Variants in COPRS observed in about 807,000 individuals in gnomAD.
COPRS encodes coordinator of PRMT5 and differentiation stimulator.
A neutral mutation model predicts 19.9 loss-of-function variants in COPRS; 11 were observed. That is an observed-to-expected ratio of 0.55 (90% CI 0.35 to 0.92). The LOEUF (loss-of-function observed/expected upper bound fraction) is 0.92, where lower values mean the gene tolerates loss of function less well. COPRS is among the 40% of genes least tolerant of loss of function. The pLI is 0.01. For missense variants in COPRS, 225 were observed against 229.9 expected, an observed-to-expected ratio of 0.98 and a Z score of 0.14; for synonymous variants, 81 against 82.7, an observed-to-expected ratio of 0.98 and a Z score of 0.11.
intron 2 of COPRS, 184 bp downstream of exon 2, chr17:31,856,615 G>T: frequency 1.5e-6 from 1 of 655,450 alleles, no homozygotes; most frequent in Non-Finnish European, 2.7e-6. Flanking sequence ...CATAAGAAAA[G>T]TTCAGGACTT....
intron 3 of COPRS, 143 bp from the exon 4 acceptor site, chr17:31,852,451 A>G: frequency 3.0e-6 from 2 of 656,642 alleles, no homozygotes; most frequent in South Asian, 4.0e-5. Flanking sequence ...CCTTTCCTGA[A>G]GAATTGTAAA....
At position 31,857,376 on chromosome 17, in the gene COPRS, C is replaced by T. The variant is rs943285210; in HGVS notation, c.100-511G>A. Among the ~76,000 whole-genome samples, 6 of 152,270 alleles carry T rather than the reference C, an allele frequency of 3.9e-5. No homozygotes were observed. In the East Asian group the frequency reaches 5.8e-4, roughly 15 times the overall value. On this transcript the variant is annotated intron_variant, in intron 1 of 3. Coordinates refer to ENST00000302362, the MANE Select transcript of COPRS (RefSeq NM_018405.4). Reference sequence around the variant, plus strand: ...GGTAGCTGTTCCCTGCGGTTGCCACCCCCAGGTACACGTTTTACCTTTTCA... The same window carrying T: ...GGTAGCTGTTCCCTGCGGTTGCCACTCCCAGGTACACGTTTTACCTTTTCA...
intron 3 of COPRS, 86 bp downstream of exon 3, chr17:31,852,726 C>A: frequency 1.1e-6 from 1 of 898,594 alleles, no homozygotes; most frequent in Non-Finnish European, 1.9e-6. Context: ...TAGATGTGGA[C>A]CCCTGTTCCA....
At chr17:31,858,904 G>A in intron 1 of COPRS, 197 bp downstream of exon 1, 2 of 1,493,928 alleles carry the variant, frequency 1.3e-6, no homozygotes, top group Non-Finnish European at 1.8e-6. Context: ...GGCTTTCCCC[G>A]CCCCGCAGCC....
At chr17:31,858,854 C>G in intron 1 of COPRS, 1 of 1,546,636 alleles carries the variant, frequency 6.5e-7, no homozygotes, top group Non-Finnish European at 8.7e-7. Context: ...AGCGGGCGGA[C>G]AGCCGTCTCT....
At chr17:31,858,956 C>T (rs1279822939) in intron 1 of COPRS, 145 bp downstream of exon 1, 2 of 1,402,844 alleles carry the variant, frequency 1.4e-6, no homozygotes, top group Admixed American at 3.3e-5. Flanking sequence ...CGAGCGCGAG[C>T]CCAAACAGCG....
intron 2 of COPRS, 33 bp downstream of exon 2, chr17:31,856,766 T>G (rs530631749): frequency 7.5e-7 from 1 of 1,340,036 alleles, no homozygotes; most frequent in East Asian, 2.3e-5. Context: ...ACATCCTTGG[T>G]CTCCCCAACT....
Position 31,851,902 on chromosome 17 carries a change from A to G in COPRS, c.*237T>C. The G allele has an allele frequency of 2.1e-6, 1 of 484,654 alleles. No homozygotes were observed. 30.0% of individuals were successfully genotyped at this position (484,654 alleles called of 1,614,324 possible). Reference sequence around the variant, plus strand: ...TTTTTAACCTTTATTTACAAAGAACACAACTCCTCTTGACACAAACACACA... The same window carrying G: ...TTTTTAACCTTTATTTACAAAGAACGCAACTCCTCTTGACACAAACACACA... On this transcript the variant is annotated 3_prime_UTR_variant, in exon 4 of 4. Transcript: ENST00000302362.
intron 1 of COPRS, chr17:31,858,226 C>T (rs1223426643): frequency 3.8e-6 from 1 of 259,846 alleles, no homozygotes; most frequent in Non-Finnish European, 6.0e-6. Flanking sequence ...ATGTGCCCTG[C>T]ACTTTCTCAT....
intron 1 of COPRS, among the ~76,000 whole-genome samples, chr17:31,857,606 C>T (rs1909401800): frequency 1.3e-5 from 2 of 152,180 alleles, no homozygotes; most frequent in African/African-American, 4.8e-5. Flanking sequence ...AACCCTATGA[C>T]CTCCAAGACC....
intron 2 of COPRS, among the ~76,000 whole-genome samples, chr17:31,853,985 G>GT (rs1466811845): frequency 6.6e-6 from 1 of 152,216 alleles, no homozygotes; most frequent in Non-Finnish European, 1.5e-5. Context: ...TGGAACAACA[G>GT]TAACAGTGAT....
At chr17:31,853,080 G>A in intron 2 of COPRS, 50 bp from the exon 3 acceptor site, 1 of 1,378,282 alleles carries the variant, frequency 7.3e-7, no homozygotes, top group South Asian at 1.2e-5. Flanking sequence ...AAGAGGACCT[G>A]CTCTGTGCTC....
At chr17:31,855,277 CAAG>C (rs953546364) in intron 2 of COPRS, among the ~76,000 whole-genome samples, 38 of 151,818 alleles carry the variant, frequency 2.5e-4, no homozygotes, top group Middle Eastern at 3.5e-3. Flanking sequence ...TTTGGGTGGC[CAAG>C]GAGGGCAGAT....
intron 2 of COPRS, 148 bp from the exon 3 acceptor site, chr17:31,853,178 C>G (rs1377796939): frequency 1.5e-6 from 1 of 673,082 alleles, no homozygotes; most frequent in Admixed American, 2.7e-5. Flanking sequence ...TAAAAATGCA[C>G]TTCTTTGTAT....
Position 31,852,960 on chromosome 17 carries a change from G to C in COPRS, c.237C>G (p.Gly79=). Residue 79 remains glycine, a synonymous_variant, in exon 3 of 4, where the codon GGC becomes GGG. Coordinates refer to ENST00000302362, the MANE Select transcript of COPRS (RefSeq NM_018405.4). ...RGEGTHSEEE[G]FAMDEEDSDG... is the part of the protein sequence containing the mutation. ...CAGAGTCCTCCTCATCCATGGCAAAGCCTTCCTCTTCAGAATGGGTGCCCT... is the reference window on the plus strand; with the variant it reads ...CAGAGTCCTCCTCATCCATGGCAAACCCTTCCTCTTCAGAATGGGTGCCCT... 6.2e-7 allele frequency: 1 copy of C among 1,614,126 alleles called. No homozygotes were observed.
chr17:31,854,333 GCA>G (rs1357909838), intron 2 of COPRS, among the ~76,000 whole-genome samples: 1 of 113,744 alleles, frequency 8.8e-6, no homozygotes, highest in East Asian at 2.9e-4. Context: ...TCGTGCCATT[GCA>G]CAGAGTGAGA....
intron 1 of COPRS, chr17:31,858,229 T>G (rs1371351200): frequency 3.5e-6 from 1 of 284,106 alleles, no homozygotes; most frequent in East Asian, 1.8e-4. Context: ...TGCCCTGCAC[T>G]TTCTCATCTC....
Position 31,852,989 on chromosome 17 carries a change from C to A in COPRS, c.208G>T (p.Gly70Cys). ...QSIPNDSPARGEGTHSEEEGF... is the reference protein window; with the variant it reads ...QSIPNDSPARCEGTHSEEEGF... ...TCCTCTTCAGAATGGGTGCCCTCAC[C>A]CCGGGCAGGACTGTCATTAGGAATG... is the stretch of plus-strand genomic sequence containing the variant. The change falls in exon 3 of 4, where the codon GGT (glycine) becomes TGT (cysteine). Residue 70 changes from glycine (G) to cysteine (C), a missense_variant. Transcript: ENST00000302362. 3.7e-6 allele frequency: 6 copies of A among 1,614,126 alleles called. No individual in the cohort carries two copies. The South Asian group carries it at 6.6e-5, about 18-fold the overall frequency.
chr17:31,858,395 G>A (rs758353065), intron 1 of COPRS: 19 of 985,248 alleles, frequency 1.9e-5, no homozygotes, highest in Middle Eastern at 5.2e-4. Context: ...CATCTTTGAG[G>A]CATCATTCAT....
Sources: gnomAD v4.1 joint callset for allele counts (sites outside exome capture counted in the v4.1 genomes callset) on GRCh38, gnomAD v4.1.1 for gene constraint, MANE v1.5 for transcripts, NCBI Gene and HGNC (gene_info 2026-07-23, HGNC 2026-07-21) for gene names.